FBXO42: variants seen among roughly 807,000 people sequenced by gnomAD.
FBXO42 encodes the protein F-box protein 42, also known as F-box only protein 42.
In FBXO42, 12 loss-of-function variants were observed where a neutral mutation model predicts 71.7. That is an observed-to-expected ratio of 0.17 (90% CI 0.11 to 0.27). The LOEUF is 0.27. Among genes scored for constraint, FBXO42 ranks in the 10% least tolerant of loss-of-function variants. FBXO42 has a pLI of 1.00. For missense variants in FBXO42, 707 were observed against 911.9 expected (o/e 0.78, Z 2.89); for synonymous variants, 325 against 327.5 (o/e 0.99, Z 0.08).
At chr1:16,292,506 A>C (rs1346559484) in intron 4 of FBXO42, 1 of 152,170 alleles carries the variant, frequency 6.6e-6, no homozygotes, top group Non-Finnish European at 1.5e-5. Flanking sequence ...CATGTTGCCC[A>C]GGTGAGTCTC....
At chr1:16,342,145 C>T (rs538256675) in intron 1 of FBXO42, among the ~76,000 whole-genome samples, 44 of 151,956 alleles carry the variant, frequency 2.9e-4, no homozygotes, top group African/African-American at 9.9e-4. Flanking sequence ...GCCTGTAATC[C>T]CAGCACTTTG....
intron 1 of FBXO42, among the ~76,000 whole-genome samples, chr1:16,350,154 T>C (rs1237081786): frequency 6.6e-6 from 1 of 152,022 alleles, no homozygotes; most frequent in African/African-American, 2.4e-5. Context: ...TTTTTGTAAC[T>C]AAGGTAAGGA....
intron 1 of FBXO42, among the ~76,000 whole-genome samples, chr1:16,338,804 C>CTTTTTTTTTTTTTTTTTT (rs71574177): frequency 1.2e-5 from 1 of 80,960 alleles, no homozygotes; most frequent in Non-Finnish European, 2.3e-5. Flanking sequence ...TTCCATTTGT[C>CTTTTTTTTTTTTTTTTTT]TTTTTTTTTT....
At chr1:16,346,387 T>G (rs944453470) in intron 1 of FBXO42, among the ~76,000 whole-genome samples, 17 of 152,040 alleles carry the variant, frequency 1.1e-4, no homozygotes, top group Non-Finnish European at 2.1e-4. Flanking sequence ...TCAAATCTAT[T>G]TATTACTAGA....
chr1:16,316,649 T>A (rs867922320), intron 1 of FBXO42, among the ~76,000 whole-genome samples: 3 of 144,634 alleles, frequency 2.1e-5, no homozygotes, highest in Middle Eastern at 3.8e-3. Flanking sequence ...GCAGGAGAAC[T>A]GCTTGAACCT....
chr1:16,270,751 TACACACACAC>T (rs58610558), intron 4 of FBXO42, among the ~76,000 whole-genome samples: 106 of 111,004 alleles, frequency 9.5e-4, no homozygotes, highest in East Asian at 3.7e-3. Flanking sequence ...TACCATGAGA[TACACACACAC>T]ACACACACAC....
chr1:16,303,758 AT>A (rs1281415492), intron 3 of FBXO42, among the ~76,000 whole-genome samples: 1 of 151,460 alleles, frequency 6.6e-6, no homozygotes, highest in Non-Finnish European at 1.5e-5. Flanking sequence ...TATTTTATTT[AT>A]TTTTGAGACG....
chr1:16,316,951 C>T (rs552047411), intron 1 of FBXO42, among the ~76,000 whole-genome samples: 12 of 152,150 alleles, frequency 7.9e-5, no homozygotes, highest in Admixed American at 7.9e-4. Flanking sequence ...AGGTTATATA[C>T]ATATAAATAA....
intron 2 of FBXO42, among the ~76,000 whole-genome samples, chr1:16,313,332 G>GAAAGAA: frequency 1.6e-5 from 1 of 61,570 alleles, no homozygotes; most frequent in East Asian, 4.0e-4. Context: ...AACAAAGAAA[G>GAAAGAA]AAAGAAAGAA....
At chr1:16,288,053 G>A (rs1247374329) in intron 4 of FBXO42, among the ~76,000 whole-genome samples, 1 of 152,104 alleles carries the variant, frequency 6.6e-6, no homozygotes, top group Non-Finnish European at 1.5e-5. Context: ...GGCTGAAGCA[G>A]GAGAACCACT....
At chr1:16,290,626 AG>A (rs1313318125) in intron 4 of FBXO42, among the ~76,000 whole-genome samples, 4 of 151,936 alleles carry the variant, frequency 2.6e-5, no homozygotes, top group African/African-American at 9.7e-5. Context: ...CAGGAGGCAG[AG>A]GTTGCAGTGA....
chr1:16,313,470 C>T (rs888462212), intron 2 of FBXO42, among the ~76,000 whole-genome samples: 7 of 152,096 alleles, frequency 4.6e-5, no homozygotes, highest in African/African-American at 1.7e-4. Context: ...GGTTTTCCTC[C>T]CTTTATTTGA....
intron 4 of FBXO42, among the ~76,000 whole-genome samples, chr1:16,271,260 TG>T (rs2081841706): frequency 2.9e-5 from 1 of 33,928 alleles, no homozygotes; most frequent in African/African-American, 1.4e-4. Flanking sequence ...TGTGTGTTGG[TG>T]TGTGTGTGTG....
chr1:16,336,821 T>TA (rs1233265149), intron 1 of FBXO42, among the ~76,000 whole-genome samples: 1 of 151,614 alleles, frequency 6.6e-6, no homozygotes, highest in African/African-American at 2.4e-5. Flanking sequence ...CCGTCTCTAC[T>TA]AAAAAATACA....
chr1:16,258,363 CTTT>C (rs5772663), intron 4 of FBXO42, among the ~76,000 whole-genome samples: 3 of 146,548 alleles, frequency 2.0e-5, no homozygotes, highest in Non-Finnish European at 1.5e-5. Context: ...TTTCTTCTTC[CTTT>C]TTTTTTTTTT....
chr1:16,342,171 C>T (rs1015808358), intron 1 of FBXO42, among the ~76,000 whole-genome samples: 2 of 151,616 alleles, frequency 1.3e-5, no homozygotes, highest in African/African-American at 4.8e-5. Context: ...CCAAGACGGG[C>T]GGATCACTTG....
chr1:16,252,302 G>A lies in FBXO42; in HGVS notation c.1024C>T (p.His342Tyr). The change falls in exon 9 of 10, where the codon CAT (histidine) becomes TAT (tyrosine). Residue 342 changes from histidine to tyrosine, a missense_variant. Around this residue, in one of 5 missense-constraint regions of FBXO42, gnomAD observed 482 missense variants for 587.1 expected, o/e 0.82. Transcript: ENST00000375592. This position sits in a 1 kb window ranked among gnomAD's most constrained non-coding sequence, Gnocchi z 4.4. ...EEHGAPELWCHPACRVGQCVV... is the reference protein window; with the variant it reads ...EEHGAPELWCYPACRVGQCVV... ...TCCCTGCTTACCCGGCAAGCTGGATGGCACCACAGTTCTGGGGCCCCATGC... is the reference window on the plus strand; with the variant it reads ...TCCCTGCTTACCCGGCAAGCTGGATAGCACCACAGTTCTGGGGCCCCATGC... The A allele has an allele frequency of 6.2e-7, 1 of 1,613,982 alleles. No individual in the cohort carries two copies. The highest frequency in any genetic ancestry group is 8.5e-7 in the Non-Finnish European group (1 of 1,179,828).
intron 2 of FBXO42, among the ~76,000 whole-genome samples, chr1:16,310,994 C>A (rs1309721026): frequency 4.0e-5 from 6 of 149,288 alleles, no homozygotes; most frequent in African/African-American, 1.2e-4. Context: ...AACAAACAAA[C>A]AAAAAAACTC....
At chr1:16,348,728 T>A (rs1484597177) in intron 1 of FBXO42, among the ~76,000 whole-genome samples, 1 of 152,042 alleles carries the variant, frequency 6.6e-6, no homozygotes, top group African/African-American at 2.4e-5. Flanking sequence ...AAAGAAAGTT[T>A]AGTGTAATTC....
Sources: allele counts gnomAD v4.1 joint callset (sites outside exome capture counted in the v4.1 genomes callset), GRCh38; gene constraint gnomAD v4.1.1; regional missense constraint gnomAD v4.1.1; non-coding constraint Gnocchi (gnomAD v3.1); transcripts MANE v1.5; gene names NCBI Gene and HGNC (gene_info 2026-07-23, HGNC 2026-07-21).